Variants in MEIS1 observed in about 807,000 individuals in gnomAD.
MEIS1 encodes homeobox protein Meis1.
Under a neutral mutation model 50.8 loss-of-function variants are expected in MEIS1, and 5 were observed. The ratio of observed to expected loss-of-function variants is 0.10; its 90% CI spans 0.05 to 0.21. The LOEUF (loss-of-function observed/expected upper bound fraction) is 0.21, where lower values mean the gene tolerates loss of function less well. Ranked by LOEUF, MEIS1 falls within the 10% of genes least tolerant of loss-of-function variation. The pLI is 1.00. For synonymous variants in MEIS1, 176 were observed against 179.3 expected (o/e 0.98, Z 0.15); for missense variants, 318 against 517.3 (o/e 0.61, Z 3.74).
chr2:66,475,869 T>A (rs1381028539), intron 7 of MEIS1, among the ~76,000 whole-genome samples: 1 of 152,242 alleles, frequency 6.6e-6, no homozygotes, highest in African/African-American at 2.4e-5. Context: ...TTTGTTTCTT[T>A]AACTCATTGG....
chr2:66,447,329 C>T (rs1299457951), intron 6 of MEIS1, among the ~76,000 whole-genome samples: 2 of 152,172 alleles, frequency 1.3e-5, no homozygotes, highest in African/African-American at 4.8e-5. Context: ...CACTTAATGC[C>T]TTAATCCTGA....
intron 9 of MEIS1, among the ~76,000 whole-genome samples, chr2:66,563,480 T>C (rs1387305684): frequency 1.3e-5 from 2 of 152,204 alleles, no homozygotes; most frequent in East Asian, 3.8e-4. Context: ...TTATGCCTCT[T>C]AAAATGACAG....
At chr2:66,531,971 C>T (rs910062390) in intron 8 of MEIS1, among the ~76,000 whole-genome samples, 1 of 151,700 alleles carries the variant, frequency 6.6e-6, no homozygotes, top group Non-Finnish European at 1.5e-5. Flanking sequence ...TGGTTTGCAT[C>T]ATCTAACCAG....
intron 8 of MEIS1, among the ~76,000 whole-genome samples, chr2:66,515,091 TTGC>T (rs559452474): frequency 8.5e-4 from 130 of 152,304 alleles, no homozygotes; most frequent in Non-Finnish European, 1.6e-3. Context: ...GGTCACGTCA[TTGC>T]TATGTGATTA....
At chr2:66,486,823 T>C (rs1049851018) in intron 7 of MEIS1, among the ~76,000 whole-genome samples, 1 of 152,204 alleles carries the variant, frequency 6.6e-6, no homozygotes, top group Admixed American at 6.5e-5. Context: ...ACATCCCTTG[T>C]AAGTTGTATT....
Position 66,571,605 on chromosome 2 carries a change from A to G in MEIS1, c.*397A>G. 2 of 1,516,744 alleles carry G rather than the reference A, an allele frequency of 1.3e-6. No individual in the cohort carries two copies. The highest frequency in any genetic ancestry group is 1.8e-6 in the Non-Finnish European group (2 of 1,118,710). The allele number at this position is 1,516,744 out of a possible 1,614,324, so 94.0% of individuals were successfully genotyped here. The stretch of plus-strand genomic sequence containing the variant: ...TTTTCTGCAATGACTGTGGAGTTCC[A>G]TTCTTGGCATCTACTCTGGACCAAG... On this transcript the variant is annotated 3_prime_UTR_variant, in exon 13 of 13. Coordinates refer to ENST00000272369, the MANE Select transcript of MEIS1 (RefSeq NM_002398.3).
intron 8 of MEIS1, among the ~76,000 whole-genome samples, chr2:66,539,015 G>A (rs1674585702): frequency 1.3e-5 from 2 of 152,176 alleles, no homozygotes; most frequent in Non-Finnish European, 2.9e-5. Context: ...AGCCTCCTAA[G>A]TAGCTGGGAC....
intron 8 of MEIS1, among the ~76,000 whole-genome samples, chr2:66,520,931 C>T (rs116101248): frequency 0.017 from 2,590 of 152,234 alleles, 44 homozygotes; most frequent in South Asian, 0.095. Flanking sequence ...AATCAAATCG[C>T]GTTGTGGGAG....
intron 5 of MEIS1, among the ~76,000 whole-genome samples, chr2:66,442,270 TAAAA>T (rs11292294): frequency 7.9e-5 from 9 of 114,546 alleles, no homozygotes; most frequent in Non-Finnish European, 9.3e-5. Context: ...CTCCTTTTTG[TAAAA>T]AAAAAAAAAA....
chr2:66,463,876 C>G (rs1273984258), intron 6 of MEIS1, among the ~76,000 whole-genome samples: 1 of 152,308 alleles, frequency 6.6e-6, no homozygotes, highest in South Asian at 2.1e-4. Context: ...ATAAAGCATG[C>G]AATTACTTAC....
chr2:66,521,577 A>G (rs1272219645), intron 8 of MEIS1, among the ~76,000 whole-genome samples: 3 of 152,182 alleles, frequency 2.0e-5, no homozygotes, highest in Non-Finnish European at 4.4e-5. Context: ...GCTAGTAATA[A>G]CCAGAATCCT....
chr2:66,481,447 G>A (rs543066293), intron 7 of MEIS1, among the ~76,000 whole-genome samples: 75 of 152,316 alleles, frequency 4.9e-4, no homozygotes, highest in Non-Finnish European at 7.2e-4. Flanking sequence ...TCTGGGTTGA[G>A]CTTCAGCCAG....
At chr2:66,470,438 A>C (rs1308353829) in intron 7 of MEIS1, among the ~76,000 whole-genome samples, 1 of 152,234 alleles carries the variant, frequency 6.6e-6, no homozygotes, top group Non-Finnish European at 1.5e-5. Flanking sequence ...GTAGAGACAG[A>C]GAACTGTTTT....
Position 66,495,092 on chromosome 2 carries a change from T to C in MEIS1, c.743-17057T>C, listed in dbSNP as rs1022668275. 7.4e-5 allele frequency among the ~76,000 whole-genome samples: 11 copies of C among 148,550 alleles called. 1 individual carries two copies. In the East Asian group the frequency reaches 7.8e-4, roughly 11 times the overall value. On this transcript the variant is annotated intron_variant, in intron 7 of 12. Coordinates refer to ENST00000272369, the MANE Select transcript of MEIS1 (RefSeq NM_002398.3). ...TCCCTCTTCTGACCTTTTTTTTTTT[T>C]TTTTTTTTTTTTTTTTAAACTAAGG... is the stretch of plus-strand genomic sequence containing the variant.
intron 9 of MEIS1, among the ~76,000 whole-genome samples, chr2:66,565,853 T>C (rs563392251): frequency 2.0e-4 from 31 of 152,326 alleles, no homozygotes; most frequent in African/African-American, 7.5e-4. Context: ...ATATGCAGAA[T>C]ATTAATATTA....
intron 8 of MEIS1, among the ~76,000 whole-genome samples, chr2:66,542,628 G>A (rs1674683474): frequency 6.6e-6 from 1 of 152,202 alleles, no homozygotes; most frequent in African/African-American, 2.4e-5. Context: ...TATAGAGGCA[G>A]TTCTGTGTCA....
chr2:66,545,258 A>G (rs1284761620), intron 8 of MEIS1, among the ~76,000 whole-genome samples: 5 of 152,212 alleles, frequency 3.3e-5, no homozygotes, highest in Admixed American at 3.3e-4. Flanking sequence ...GATTTCTGTA[A>G]GACCTGGACA....
At chr2:66,439,090 T>G (rs1191096285) in intron 2 of MEIS1, 1 of 155,310 alleles carries the variant, frequency 6.4e-6, no homozygotes, top group Admixed American at 6.6e-5. Flanking sequence ...CTTTTTTTTT[T>G]TTTTTTCTTT....
chr2:66,519,109 T>G (rs961570643), intron 8 of MEIS1, among the ~76,000 whole-genome samples: 2 of 152,208 alleles, frequency 1.3e-5, no homozygotes, highest in Non-Finnish European at 2.9e-5. Context: ...CTAAGTAGCC[T>G]TGTCCAAGGT....
Sources: allele counts gnomAD v4.1 joint callset (sites outside exome capture counted in the v4.1 genomes callset), GRCh38; gene constraint gnomAD v4.1.1; transcripts MANE v1.5; gene names NCBI Gene and HGNC (gene_info 2026-07-23, HGNC 2026-07-21).